The following RASEF variants were observed in gnomAD, a reference collection of about 807,000 sequenced individuals.
RASEF encodes ras and EF-hand domain-containing protein.
A neutral mutation model predicts 90.1 loss-of-function variants in RASEF; 68 were observed. That is an observed-to-expected ratio of 0.75 (90% CI 0.62 to 0.92). The LOEUF (loss-of-function observed/expected upper bound fraction) is 0.92, where lower values mean the gene tolerates loss of function less well. RASEF is among the 40% of genes least tolerant of loss of function. The pLI is 0.00. For missense variants in RASEF, 949 were observed against 937.2 expected (o/e 1.01, Z -0.16); for synonymous variants, 331 against 345.2 (o/e 0.96, Z 0.46).
chr9:83,011,534 G>A (rs1216023970), intron 5 of RASEF, among the ~76,000 whole-genome samples: 2 of 97,550 alleles, frequency 2.1e-5, no homozygotes, highest in East Asian at 7.3e-4. Context: ...CCTGGTGACA[G>A]AGCAAGACTC....
chr9:83,036,302 C>A (rs1829740717), intron 1 of RASEF, among the ~76,000 whole-genome samples: 1 of 152,222 alleles, frequency 6.6e-6, no homozygotes, highest in African/African-American at 2.4e-5. Context: ...CCTCGGCCAA[C>A]CACCTGGAAA....
the RASEF span, among the ~76,000 whole-genome samples, chr9:83,211,241 T>C: frequency 6.6e-6 from 1 of 152,234 alleles, no homozygotes; most frequent in African/African-American, 2.4e-5. Flanking sequence ...ATCTAGTCTC[T>C]CTGATTTAGG....
chr9:83,065,774 C>A (rs1445833097), upstream of RASEF, among the ~76,000 whole-genome samples: 1 of 152,226 alleles, frequency 6.6e-6, no homozygotes, highest in African/African-American at 2.4e-5. Context: ...ATTCTCTACT[C>A]TTTAATTCTC....
chr9:83,149,064 G>A, the RASEF span, among the ~76,000 whole-genome samples: 13 of 152,332 alleles, frequency 8.5e-5, no homozygotes, highest in South Asian at 1.9e-3. Context: ...CAAGGCAGTC[G>A]GTGATAGGGA....
intron 1 of RASEF, among the ~76,000 whole-genome samples, chr9:83,033,006 A>G (rs1829673821): frequency 6.6e-6 from 1 of 152,194 alleles, no homozygotes; most frequent in Non-Finnish European, 1.5e-5. Context: ...GTGATCCAGT[A>G]GGGTGCTTAG....
At chr9:83,047,179 G>C (rs1829950197) in intron 1 of RASEF, among the ~76,000 whole-genome samples, 1 of 151,996 alleles carries the variant, frequency 6.6e-6, no homozygotes, top group African/African-American at 2.4e-5. Flanking sequence ...TTTCTGCCTG[G>C]TCACTTAAAA....
chr9:82,997,108 C>T lies in RASEF; in HGVS notation c.1824G>A (p.Lys608=). 6.2e-7 allele frequency: 1 copy of T among 1,608,136 alleles called. No homozygotes were observed. The highest frequency in any genetic ancestry group is 8.5e-7 in the Non-Finnish European group (1 of 1,174,634). The part of the protein sequence containing the change: ...AGQERFRSIA[K]SYFRKADGVL... ...CACCATCTGCCTTTCTGAAGTAAGA[C>T]TTGGCAATACTTCTGAATCTGAGAA... is the stretch of plus-strand genomic sequence containing the variant. Residue 608 remains lysine (K), a synonymous_variant, in exon 14 of 17, where the codon AAG becomes AAA. Transcript: ENST00000376447.
chr9:83,129,783 AG>A, the RASEF span, among the ~76,000 whole-genome samples: 1 of 152,208 alleles, frequency 6.6e-6, no homozygotes, highest in South Asian at 2.1e-4. Context: ...CTCTCCAAGT[AG>A]GGTTGCAGAT....
the RASEF span, among the ~76,000 whole-genome samples, chr9:83,105,114 G>A: frequency 6.6e-6 from 1 of 152,120 alleles, no homozygotes; most frequent in Admixed American, 6.5e-5. Context: ...TTGCTATGTA[G>A]CCTACTCAAG....
At chr9:83,086,777 C>A in the RASEF span, among the ~76,000 whole-genome samples, 1 of 152,064 alleles carries the variant, frequency 6.6e-6, no homozygotes, top group Non-Finnish European at 1.5e-5. Flanking sequence ...AGACTGCTGG[C>A]TTCTCCCAGA....
chr9:83,182,417 T>C, the RASEF span, among the ~76,000 whole-genome samples: 4 of 152,230 alleles, frequency 2.6e-5, no homozygotes, highest in African/African-American at 9.6e-5. Flanking sequence ...AATCTTCCTT[T>C]GACTAGATCA....
At chr9:83,032,617 G>T (rs1255847690) in intron 1 of RASEF, among the ~76,000 whole-genome samples, 2 of 152,174 alleles carry the variant, frequency 1.3e-5, no homozygotes. Flanking sequence ...TTATCTTCTT[G>T]TTCAATAAAT....
intron 6 of RASEF, among the ~76,000 whole-genome samples, chr9:83,008,173 T>C (rs73467563): frequency 6.6e-6 from 1 of 152,072 alleles, no homozygotes; most frequent in Non-Finnish European, 1.5e-5. Context: ...CCCCTGAGCA[T>C]ACAAACCTCA....
chr9:83,172,164 C>T, the RASEF span, among the ~76,000 whole-genome samples: 1 of 151,556 alleles, frequency 6.6e-6, no homozygotes. Flanking sequence ...CTTCATGACC[C>T]GTTACTCATT....
chr9:83,000,346 CG>C (rs761839418), intron 11 of RASEF, 30 bp from the exon 12 acceptor site: 2 of 1,611,434 alleles, frequency 1.2e-6, no homozygotes, highest in Non-Finnish European at 1.7e-6. Context: ...TGAATGATAA[CG>C]GTATTGCCAG....
chr9:83,073,944 G>A, the RASEF span, among the ~76,000 whole-genome samples: 1 of 152,168 alleles, frequency 6.6e-6, no homozygotes, highest in Non-Finnish European at 1.5e-5. Context: ...GTATGATGCT[G>A]AAGCTTCACA....
intron 1 of RASEF, among the ~76,000 whole-genome samples, chr9:83,036,478 T>A (rs1442234279): frequency 1.3e-5 from 2 of 152,374 alleles, no homozygotes; most frequent in African/African-American, 4.8e-5. Context: ...GTACCTCGGA[T>A]GCTCTTGCTA....
chr9:83,061,944 A>G (rs80139598), intron 1 of RASEF, among the ~76,000 whole-genome samples: 25 of 152,234 alleles, frequency 1.6e-4, no homozygotes, highest in Admixed American at 1.6e-3. Context: ...ACATCAATCA[A>G]TATTTGTGTC....
chr9:83,001,533 C>A (rs1829041316), intron 9 of RASEF, among the ~76,000 whole-genome samples: 1 of 152,236 alleles, frequency 6.6e-6, no homozygotes, highest in Non-Finnish European at 1.5e-5. Context: ...TTCTGGATAA[C>A]ATCTCTACTT....
Sources: gnomAD v4.1 joint callset for allele counts (sites outside exome capture counted in the v4.1 genomes callset) on GRCh38, gnomAD v4.1.1 for gene constraint, MANE v1.5 for transcripts, NCBI Gene and HGNC (gene_info 2026-07-23, HGNC 2026-07-21) for gene names.